USP7: variants seen among roughly 807,000 people sequenced by gnomAD.
The protein encoded by USP7 is ubiquitin specific peptidase 7, also known as ubiquitin C-terminal hydrolase 7.
In USP7, 9 loss-of-function variants were observed where a neutral mutation model predicts 162.9. The ratio of observed to expected loss-of-function variants is 0.06; its 90% CI spans 0.03 to 0.10. The LOEUF (loss-of-function observed/expected upper bound fraction) is 0.10, where lower values mean the gene tolerates loss of function less well. USP7 is among the 10% of genes least tolerant of loss of function. USP7 has a pLI of 1.00. For synonymous variants in USP7, 562 were observed against 475.9 expected (o/e 1.18, Z -2.35); for missense variants, 715 against 1,373.7 (o/e 0.52, Z 7.58).
At chr16:8,938,700 G>C (rs1283812568) in intron 1 of USP7, among the ~76,000 whole-genome samples, 1 of 125,336 alleles carries the variant, frequency 8.0e-6, no homozygotes, top group African/African-American at 3.7e-5. Flanking sequence ...AACACAGCAA[G>C]ACTCCGTCTC....
In USP7 at chr16:8,920,533, TAATA is replaced by T. The variant is rs1260615181; in HGVS notation, c.523-90_523-87del. ...ACAAATTACATTAGTGCCCTGTACTTAATAGAGATGAAAATACTTTTTTTTTAAA... is the reference window on the plus strand; with the variant it reads ...ACAAATTACATTAGTGCCCTGTACTTGAGATGAAAATACTTTTTTTTTAAA... On this transcript the variant is annotated intron_variant, in intron 4 of 30. Transcript: ENST00000344836. The T allele has an allele frequency of 6.1e-5, 64 of 1,044,754 alleles. 1 individual carries two copies. The Middle Eastern group carries it at 8.4e-4, about 14-fold the overall frequency. The allele number at this position is 1,044,754 out of a possible 1,614,324, so 64.7% of individuals were successfully genotyped here.
chr16:8,905,866 C>T (rs754443161), intron 13 of USP7, among the ~76,000 whole-genome samples: 3 of 152,210 alleles, frequency 2.0e-5, no homozygotes, highest in Non-Finnish European at 4.4e-5. Flanking sequence ...CAGTGATGAA[C>T]GCTGCTGTTA....
chr16:8,895,631 G>A lies in USP7; in HGVS notation c.2919+11C>T. 1 of 1,606,176 alleles carries A rather than the reference G, an allele frequency of 6.2e-7. No individual in the cohort carries two copies. The highest frequency in any genetic ancestry group is 8.5e-7 in the Non-Finnish European group (1 of 1,174,622). ...ATTCTCTCTGGTGCCAACAGTATCG[G>A]GGACAGATACCTCTATTCGAAACGT... is the stretch of plus-strand genomic sequence containing the variant. On this transcript the variant is annotated intron_variant, in intron 27 of 30. Transcript: ENST00000344836.
rs1272068741 is a variant in USP7, at chr16:8,894,843, G to T, written c.3052C>A (p.Arg1018=). 1.2e-6 allele frequency: 2 copies of T among 1,614,016 alleles called. No homozygotes were observed. Among genetic ancestry groups the T allele is most frequent in the Non-Finnish European group, 1.7e-6 (2 of 1,180,036 alleles). The change falls in exon 29 of 31, where the codon CGA becomes AGA. Residue 1018 remains arginine, a synonymous_variant. Coordinates refer to ENST00000344836, the MANE Select transcript of USP7 (RefSeq NM_003470.3). ...LLRIHQGEHF[R]EVMKRIQSLL... is the part of the protein sequence containing the mutation. ...CTCTGGATTCGCTTCATCACTTCTC[G>T]AAAATGCTCGCCCTAGAATGGCAAA...
intron 16 of USP7, among the ~76,000 whole-genome samples, chr16:8,902,996 G>A (rs1410196508): frequency 3.9e-5 from 6 of 152,198 alleles, no homozygotes; most frequent in Non-Finnish European, 1.5e-5. Flanking sequence ...AATAAAGAGG[G>A]GGTAGGGGTG....
chr16:8,939,222 C>T (rs971142185), intron 1 of USP7, among the ~76,000 whole-genome samples: 3 of 152,194 alleles, frequency 2.0e-5, no homozygotes, highest in African/African-American at 4.8e-5. Context: ...TCCAACACCA[C>T]AAGGATCCCT....
intron 1 of USP7, among the ~76,000 whole-genome samples, chr16:8,958,896 G>A (rs1269921314): frequency 6.6e-6 from 1 of 152,240 alleles, no homozygotes; most frequent in Non-Finnish European, 1.5e-5. Flanking sequence ...GCATTGCTTA[G>A]GCAGAGGCCG....
At position 8,898,537 on chromosome 16, in the gene USP7, A is replaced by G; in HGVS notation, c.2634T>C (p.Tyr878=). The G allele has an allele frequency of 6.2e-7, 1 of 1,609,484 alleles. No individual in the cohort carries two copies. The highest frequency in any genetic ancestry group is 8.5e-7 in the Non-Finnish European group (1 of 1,178,598). The part of the protein sequence containing the change: ...FKPRQPKKLY[Y]QQLKMKITDF... The stretch of plus-strand genomic sequence containing the variant: ...CATTAATTTGGACTCATACCTGCTG[A>G]TAGTAAAGTTTCTTAGGTTGTCTAG... Residue 878 remains tyrosine, a synonymous_variant, in exon 24 of 31, where the codon TAT becomes TAC. Transcript: ENST00000344836.
intron 25 of USP7, among the ~76,000 whole-genome samples, chr16:8,897,742 T>TATATATAC (rs1422154179): frequency 9.0e-6 from 1 of 110,804 alleles, no homozygotes; most frequent in South Asian, 2.9e-4. Flanking sequence ...TATATATATA[T>TATATATAC]ATATAAATGA....
intron 1 of USP7, among the ~76,000 whole-genome samples, chr16:8,953,532 G>A (rs1231504854): frequency 2.4e-5 from 3 of 127,074 alleles, no homozygotes; most frequent in African/African-American, 8.5e-5. Flanking sequence ...GGAAGCAGAG[G>A]GAAGACACGT....
chr16:8,909,184 C>T (rs2061905201), intron 11 of USP7, among the ~76,000 whole-genome samples: 1 of 152,218 alleles, frequency 6.6e-6, no homozygotes, highest in African/African-American at 2.4e-5. Flanking sequence ...CTCTTTGTTC[C>T]TCAGTAAAAT....
rs1433053526 is a variant in USP7, at chr16:8,947,476, TTAGC to T, written c.79+15727_79+15730del. Among the ~76,000 whole-genome samples, 10 of 152,114 alleles carry T rather than the reference TTAGC, an allele frequency of 6.6e-5. No individual in the cohort carries two copies. In the East Asian group the frequency reaches 1.9e-3, roughly 29 times the overall value. On this transcript the variant is annotated intron_variant, in intron 1 of 30. Coordinates refer to ENST00000344836, the MANE Select transcript of USP7 (RefSeq NM_003470.3). The stretch of plus-strand genomic sequence containing the variant: ...CAACTATCCCACATCAGCCTCCTGA[TTAGC>T]TGGACTACAGACATGCACCACCACA...
rs773149870 is a variant in USP7 at position 8,902,348 on chromosome 16, T to A, written c.1941+33A>T. ...CAGAGGACTAACGCCTTCTGCACGG[T>A]TCCAAACCAGATACGCTATTAACAA... On this transcript the variant is annotated intron_variant, in intron 17 of 30. Transcript: ENST00000344836. 3 of 1,609,856 alleles carry A rather than the reference T, an allele frequency of 1.9e-6. No homozygotes were observed. In the Admixed American group the frequency reaches 5.0e-5, roughly 27 times the overall value.
At chr16:8,951,730 A>C (rs1265959804) in intron 1 of USP7, among the ~76,000 whole-genome samples, 1 of 152,180 alleles carries the variant, frequency 6.6e-6, no homozygotes, top group Admixed American at 6.5e-5. Context: ...TTCACATTTA[A>C]ATCTCTCCAT....
At position 8,902,192 on chromosome 16, in the gene USP7, T is replaced by A; in HGVS notation, c.1942-5A>T. 1 of 1,613,722 alleles carries A rather than the reference T, an allele frequency of 6.2e-7. No individual in the cohort carries two copies. The highest frequency in any genetic ancestry group is 2.2e-5 in the East Asian group (1 of 44,880). On this transcript the variant is annotated splice_polypyrimidine_tract_variant and splice_region_variant and intron_variant, in intron 17 of 30. Transcript: ENST00000344836. ...ATTATCACTGAGCTCAATCATCTATTTCCAAAAGAGACGCTGATTTTAGAA... is the reference window on the plus strand; with the variant it reads ...ATTATCACTGAGCTCAATCATCTATATCCAAAAGAGACGCTGATTTTAGAA...
chr16:8,919,140 C>G lies in USP7; in HGVS notation c.612-1G>C. On this transcript the variant is annotated splice_acceptor_variant, in intron 5 of 30. Coordinates refer to ENST00000344836, the MANE Select transcript of USP7 (RefSeq NM_003470.3). LOFTEE classifies it high-confidence loss of function. ...GCCTGTGTGCTTCTTTGAATCCCAC[C>G]TGAAAGATCAGTTCAAGGTTGAGGG... is the stretch of plus-strand genomic sequence containing the variant. 1 of 1,613,978 alleles carries G rather than the reference C, an allele frequency of 6.2e-7. No individual in the cohort carries two copies. Among genetic ancestry groups the G allele is most frequent in the Non-Finnish European group, 8.5e-7 (1 of 1,179,964 alleles).
chr16:8,941,130 C>T (rs1567240820), intron 1 of USP7, among the ~76,000 whole-genome samples: 1 of 151,568 alleles, frequency 6.6e-6, no homozygotes, highest in Admixed American at 6.6e-5. Context: ...GGGGCCCATG[C>T]CCCATGCCCA....
intron 22 of USP7, 141 bp from the exon 23 acceptor site, chr16:8,899,329 T>A (rs1596352520): frequency 1.2e-6 from 1 of 846,882 alleles, no homozygotes; most frequent in Non-Finnish European, 1.8e-6. Context: ...ATAAACTATA[T>A]TATTCCTTAA....
intron 1 of USP7, among the ~76,000 whole-genome samples, chr16:8,955,950 G>C (rs969190425): frequency 6.6e-6 from 1 of 152,128 alleles, no homozygotes; most frequent in African/African-American, 2.4e-5. Flanking sequence ...TGGCAAGAGA[G>C]ACAGCCAGAT....
Sources: gnomAD v4.1 joint callset for allele counts (sites outside exome capture counted in the v4.1 genomes callset) on GRCh38, gnomAD v4.1.1 for gene constraint, MANE v1.5 for transcripts, NCBI Gene and HGNC (gene_info 2026-07-23, HGNC 2026-07-21) for gene names.